Variants in CREBL2 observed in about 807,000 individuals in gnomAD.
CREBL2 encodes cAMP responsive element binding protein like 2.
Under a neutral mutation model 19.5 loss-of-function variants are expected in CREBL2, and 4 were observed. That is an observed-to-expected ratio of 0.20 (90% CI 0.10 to 0.47). The LOEUF is 0.47. Among genes scored for constraint, CREBL2 ranks in the 20% least tolerant of loss-of-function variants. CREBL2 has a pLI of 0.98. For synonymous variants in CREBL2, 42 were observed against 46.6 expected (o/e 0.90, Z 0.40); for missense variants, 85 against 145.1 (o/e 0.59, Z 2.13).
intron 1 of CREBL2, among the ~76,000 whole-genome samples, chr12:12,631,238 G>C (rs898007143): frequency 1.3e-5 from 2 of 152,152 alleles, no homozygotes; most frequent in African/African-American, 4.8e-5. Context: ...AAAATCACTG[G>C]CTAGCGGGTT....
chr12:12,641,253 A>ATTATTATTATTTTTT (rs1478394376), intron 3 of CREBL2, among the ~76,000 whole-genome samples: 1 of 78,258 alleles, frequency 1.3e-5, no homozygotes, highest in Non-Finnish European at 2.5e-5. Context: ...TATTATTATT[A>ATTATTATTATTTTTT]TTTTTTTTTA....
rs117286312 is a variant in CREBL2 at position 12,616,398 on chromosome 12, A to G, written c.15+4211A>G. ...CTTCCTAAAGGATACACAGGTAAGC[A>G]CAGTGAATTTGATTCTCACTCTTTA... On this transcript the variant is annotated intron_variant, in intron 1 of 3. Coordinates refer to ENST00000228865, the MANE Select transcript of CREBL2 (RefSeq NM_001310.4). Among the ~76,000 whole-genome samples the G allele has an allele frequency of 7.8e-3, 1,186 of 152,374 alleles. 17 individuals carry two copies. Among genetic ancestry groups the G allele is most frequent in the Non-Finnish European group, 8.5e-3 (578 of 68,032 alleles).
chr12:12,638,041 C>A (rs761603082), intron 3 of CREBL2, among the ~76,000 whole-genome samples: 13 of 151,968 alleles, frequency 8.6e-5, no homozygotes, highest in Non-Finnish European at 1.3e-4. Context: ...GAGGGTATCT[C>A]AAGGTAGGGT....
intron 1 of CREBL2, among the ~76,000 whole-genome samples, chr12:12,618,917 C>T (rs1945337929): frequency 6.6e-6 from 1 of 152,308 alleles, no homozygotes; most frequent in East Asian, 1.9e-4. Flanking sequence ...CGCACACCTG[C>T]AATCCCAGGC....
At chr12:12,637,780 A>T in intron 3 of CREBL2, 66 bp downstream of exon 3, 1 of 1,479,718 alleles carries the variant, frequency 6.8e-7, no homozygotes, top group Non-Finnish European at 9.0e-7. Context: ...GTGGCTCATG[A>T]CTGTAATCCT....
intron 1 of CREBL2, among the ~76,000 whole-genome samples, chr12:12,631,457 G>A (rs371026255): frequency 6.6e-6 from 1 of 152,216 alleles, no homozygotes; most frequent in Non-Finnish European, 1.5e-5. Context: ...AAAGCTAGAT[G>A]TGTGGGGTTA....
intron 3 of CREBL2, among the ~76,000 whole-genome samples, chr12:12,638,023 A>G (rs1243555775): frequency 6.6e-6 from 1 of 151,956 alleles, no homozygotes; most frequent in African/African-American, 2.4e-5. Context: ...AAAAGGGGGG[A>G]ACAAAAAGAG....
chr12:12,629,393 T>C (rs1945426230), intron 1 of CREBL2, among the ~76,000 whole-genome samples: 1 of 152,212 alleles, frequency 6.6e-6, no homozygotes, highest in South Asian at 2.1e-4. Flanking sequence ...AGTGGAGTCA[T>C]TTTCTTAATT....
At position 12,621,618 on chromosome 12, in the gene CREBL2, G is replaced by T. The variant is rs536418692; in HGVS notation, c.15+9431G>T. Among the ~76,000 whole-genome samples, 13 of 151,982 alleles carry T rather than the reference G, an allele frequency of 8.6e-5. No individual in the cohort carries two copies. The South Asian group carries it at 2.7e-3, about 32-fold the overall frequency. On this transcript the variant is annotated intron_variant, in intron 1 of 3. Coordinates refer to ENST00000228865, the MANE Select transcript of CREBL2 (RefSeq NM_001310.4). ...CCCTGAGCTACAGCGTAAAGCAGAAGTAGAGGTGTGGTCAGAGATGAGGAT... is the reference window on the plus strand; with the variant it reads ...CCCTGAGCTACAGCGTAAAGCAGAATTAGAGGTGTGGTCAGAGATGAGGAT...
In CREBL2 at chr12:12,617,319, A is replaced by AT. The variant is rs1404272293; in HGVS notation, c.15+5135dup. ...ATGAGAGAAATAAAGCAAGAGACAG[A>AT]TTTGGCATCTCTAAAGTGGGGGTTT... On this transcript the variant is annotated intron_variant, in intron 1 of 3. Transcript: ENST00000228865. Among the ~76,000 whole-genome samples the AT allele has an allele frequency of 3.9e-5, 6 of 152,206 alleles. No homozygotes were observed. The East Asian group carries it at 9.6e-4, about 24-fold the overall frequency.
Position 12,612,034 on chromosome 12 carries a change from G to A in CREBL2, c.-139G>A. The A allele has an allele frequency of 9.7e-7, 1 of 1,026,968 alleles. No homozygotes were observed. Among genetic ancestry groups the A allele is most frequent in the Non-Finnish European group, 1.5e-6 (1 of 686,878 alleles). 63.6% of individuals were successfully genotyped at this position (1,026,968 alleles called of 1,614,324 possible). A position where few individuals can be genotyped will look rare whatever the true frequency, so the allele number is the denominator to read the frequency against. On this transcript the variant is annotated 5_prime_UTR_variant, in exon 1 of 4. Coordinates refer to ENST00000228865, the MANE Select transcript of CREBL2 (RefSeq NM_001310.4). ...TCGTCCCCGTGACTCTGGCATCAGG[G>A]AAGCGAACTGTTAGGCGAGAGGAGG...
intron 1 of CREBL2, among the ~76,000 whole-genome samples, chr12:12,622,153 A>G (rs1429454198): frequency 3.3e-5 from 5 of 152,212 alleles, no homozygotes; most frequent in African/African-American, 1.2e-4. Context: ...ATTAAATGTA[A>G]TATATGTGTG....
intron 1 of CREBL2, among the ~76,000 whole-genome samples, chr12:12,632,116 C>T (rs1236685846): frequency 1.2e-4 from 14 of 114,090 alleles, no homozygotes; most frequent in Admixed American, 5.7e-4. Flanking sequence ...CTCGCTCTGT[C>T]GCCCAGGCTG....
At chr12:12,613,580 G>T (rs1348597660) in intron 1 of CREBL2, among the ~76,000 whole-genome samples, 3 of 152,190 alleles carry the variant, frequency 2.0e-5, no homozygotes, top group African/African-American at 7.2e-5. Context: ...GGAAAGCCCA[G>T]TGCAGTACTC....
rs1566100642 is a variant in CREBL2 at position 12,612,123 on chromosome 12, G to A, written c.-50G>A. 1 of 1,605,982 alleles carries A rather than the reference G, an allele frequency of 6.2e-7. No homozygotes were observed. The highest frequency in any genetic ancestry group is 1.1e-5 in the South Asian group (1 of 91,004). On this transcript the variant is annotated 5_prime_UTR_variant, in exon 1 of 4. Transcript: ENST00000228865. ...GGGCCGGGCCAGGCCGGCTGAGCCG[G>A]GGGAGGGCTCCGGGAGGGAGTGCCT...
chr12:12,612,248 T>G, intron 1 of CREBL2, 61 bp downstream of exon 1: 1 of 1,612,362 alleles, frequency 6.2e-7, no homozygotes, highest in Non-Finnish European at 8.5e-7. Flanking sequence ...GTCCCGCGGC[T>G]GAACCTCCGC....
At chr12:12,636,131 T>G (rs1043473771) in intron 2 of CREBL2, among the ~76,000 whole-genome samples, 157 bp downstream of exon 2, 2 of 152,240 alleles carry the variant, frequency 1.3e-5, no homozygotes, top group African/African-American at 4.8e-5. Context: ...GGCATCTTCA[T>G]ACACTGCTGG....
At chr12:12,617,509 C>G (rs562540912) in intron 1 of CREBL2, among the ~76,000 whole-genome samples, 14 of 152,156 alleles carry the variant, frequency 9.2e-5, no homozygotes, top group African/African-American at 3.1e-4. Context: ...AGGGTTGATA[C>G]ATTTAAAGCT....
intron 3 of CREBL2, among the ~76,000 whole-genome samples, chr12:12,641,581 T>A (rs1487317443): frequency 1.3e-5 from 2 of 152,112 alleles, no homozygotes; most frequent in Admixed American, 1.3e-4. Context: ...AGTGCTAGGA[T>A]TACAGGTGTG....
Sources: allele counts gnomAD v4.1 joint callset (sites outside exome capture counted in the v4.1 genomes callset), GRCh38; gene constraint gnomAD v4.1.1; transcripts MANE v1.5; gene names NCBI Gene and HGNC (gene_info 2026-07-23, HGNC 2026-07-21).